HS6ST2: variants seen among roughly 807,000 people sequenced by gnomAD.
HS6ST2 encodes heparan sulfate 6-O-sulfotransferase 2.
Under a neutral mutation model 33.0 loss-of-function variants are expected in HS6ST2, and 17 were observed. The observed-to-expected ratio is 0.52, with a 90% CI of 0.35 to 0.77. HS6ST2 has a LOEUF of 0.77. Among genes scored for constraint, HS6ST2 ranks in the 30% least tolerant of loss-of-function variants. HS6ST2 has a pLI of 0.01. For missense variants in HS6ST2, 519 were observed against 551.7 expected (o/e 0.94, Z 0.59); for synonymous variants, 248 against 237.1 (o/e 1.05, Z -0.42).
At chrX:132,778,901 A>C (rs769598538) in intron 2 of HS6ST2, among the ~76,000 whole-genome samples, 10 of 112,307 alleles carry the variant, frequency 8.9e-5, no homozygotes, top group Non-Finnish European at 1.9e-4. Context: ...GATCATCAGC[A>C]CTATGTTTCT....
At chrX:132,637,948 T>TA (rs1475831168) in intron 4 of HS6ST2, among the ~76,000 whole-genome samples, 1 of 72,953 alleles carries the variant, frequency 1.4e-5, no homozygotes, top group East Asian at 3.8e-4. Context: ...ATATTTTATA[T>TA]ATAATATATA....
In HS6ST2 at chrX:132,722,884, CAA is replaced by C. The variant is rs144182974; in HGVS notation, c.948-14392_948-14391del. On this transcript the variant is annotated intron_variant, in intron 2 of 4. Coordinates refer to ENST00000370833, the MANE Select transcript of HS6ST2 (RefSeq NM_001394073.1). ...TAAAATTATGTTAAAAATAAAAAAA[CAA>C]AAAAAAAAAAACAAAAAGCAAACAA... Among the ~76,000 whole-genome samples the C allele has an allele frequency of 3.7e-3, 301 of 82,248 alleles. 1 individual carries two copies. The highest frequency in any genetic ancestry group is 0.031 in the South Asian group (52 of 1,673). The allele number at this position is 82,248 out of a possible 115,157, so 71.4% of individuals were successfully genotyped here.
At chrX:132,832,048 C>T (rs866329533) in intron 2 of HS6ST2, among the ~76,000 whole-genome samples, 3 of 111,016 alleles carry the variant, frequency 2.7e-5, no homozygotes, top group Admixed American at 9.6e-5. Context: ...CATGGTGAGG[C>T]GAGGAGAGCT....
At chrX:132,868,199 A>G (rs958284016) in intron 2 of HS6ST2, among the ~76,000 whole-genome samples, 2 of 112,274 alleles carry the variant, frequency 1.8e-5, no homozygotes, top group African/African-American at 3.2e-5. Flanking sequence ...GGCATTACAT[A>G]ATGATAAAGG....
intron 2 of HS6ST2, among the ~76,000 whole-genome samples, chrX:132,759,007 C>T (rs139995392): frequency 2.4e-3 from 268 of 111,660 alleles, no homozygotes; most frequent in Middle Eastern, 4.6e-3. Flanking sequence ...AGTAGATGGG[C>T]AGCTGCAGAA....
rs183856210 is a variant in HS6ST2, at chrX:132,727,171, C to T, written c.948-18677G>A. ...TAAAACTAAAACAATCTCATCCCCA[C>T]TCACTTGACAAATCCATAGATCTGT... On this transcript the variant is annotated intron_variant, in intron 2 of 4. Coordinates refer to ENST00000370833, the MANE Select transcript of HS6ST2 (RefSeq NM_001394073.1). 7.4e-5 allele frequency among the ~76,000 whole-genome samples: 8 copies of T among 108,038 alleles called. No individual in the cohort carries two copies. The East Asian group carries it at 2.3e-3, about 31-fold the overall frequency. The allele number at this position is 108,038 out of a possible 115,157, so 93.8% of individuals were successfully genotyped here. A position where few individuals can be genotyped will look rare whatever the true frequency, so the allele number is the denominator to read the frequency against.
At chrX:132,732,760 A>C (rs778085956) in intron 2 of HS6ST2, among the ~76,000 whole-genome samples, 9 of 111,795 alleles carry the variant, frequency 8.1e-5, no homozygotes, top group Admixed American at 7.6e-4. Flanking sequence ...TTTCCTTTAT[A>C]AATTACCCAG....
chrX:132,948,758 T>C (rs1382629015), intron 2 of HS6ST2, among the ~76,000 whole-genome samples: 2 of 112,549 alleles, frequency 1.8e-5, no homozygotes, highest in African/African-American at 6.4e-5. Context: ...ACATACGCCA[T>C]TAAGTGGATT....
At chrX:132,821,514 C>T (rs780227051) in intron 2 of HS6ST2, among the ~76,000 whole-genome samples, 5 of 110,206 alleles carry the variant, frequency 4.5e-5, no homozygotes, top group Non-Finnish European at 7.6e-5. Context: ...ACTTGGCCCC[C>T]GTTCCCATTC....
At chrX:132,908,789 A>C (rs1292512135) in intron 2 of HS6ST2, among the ~76,000 whole-genome samples, 1 of 110,527 alleles carries the variant, frequency 9.0e-6, no homozygotes, top group Non-Finnish European at 1.9e-5. Flanking sequence ...TAATATTCTA[A>C]AATTGATTGT....
chrX:132,924,920 C>A (rs991483789), intron 2 of HS6ST2, among the ~76,000 whole-genome samples: 1 of 110,726 alleles, frequency 9.0e-6, no homozygotes, highest in African/African-American at 3.3e-5. Context: ...CCTGGGAGTT[C>A]GAGACCAGCC....
intron 2 of HS6ST2, among the ~76,000 whole-genome samples, chrX:132,749,715 T>C (rs2064681051): frequency 9.0e-6 from 1 of 111,552 alleles, no homozygotes; most frequent in Admixed American, 9.5e-5. Context: ...GGTGATGCAC[T>C]TGTATAAAAG....
intron 2 of HS6ST2, among the ~76,000 whole-genome samples, chrX:132,910,801 C>T (rs2066524245): frequency 9.0e-6 from 1 of 111,202 alleles, no homozygotes; most frequent in Non-Finnish European, 1.9e-5. Context: ...CCATTTGCCT[C>T]GGTAAATACA....
At chrX:132,661,935 T>C (rs1462068517) in intron 4 of HS6ST2, among the ~76,000 whole-genome samples, 1 of 110,149 alleles carries the variant, frequency 9.1e-6, no homozygotes. Flanking sequence ...AAGTGGGCCA[T>C]GATTGCACCA....
chrX:132,873,088 T>C (rs1249417760), intron 2 of HS6ST2, among the ~76,000 whole-genome samples: 1 of 111,614 alleles, frequency 9.0e-6, no homozygotes, highest in Non-Finnish European at 1.9e-5. Flanking sequence ...GAGGAAAACG[T>C]TGTCACTGGT....
At chrX:132,767,613 GTGGGTT>G (rs2064861208) in intron 2 of HS6ST2, among the ~76,000 whole-genome samples, 1 of 110,846 alleles carries the variant, frequency 9.0e-6, no homozygotes, top group African/African-American at 3.3e-5. Context: ...CATGGGTATG[GTGGGTT>G]TGATAAAGTA....
intron 2 of HS6ST2, among the ~76,000 whole-genome samples, chrX:132,767,172 C>A (rs1445669907): frequency 8.9e-6 from 1 of 112,578 alleles, no homozygotes; most frequent in East Asian, 2.8e-4. Context: ...CTGAGACCTT[C>A]CATCCTCAAG....
chrX:132,660,933 G>A (rs760234689), intron 4 of HS6ST2, among the ~76,000 whole-genome samples: 1 of 111,877 alleles, frequency 8.9e-6, no homozygotes, highest in South Asian at 3.8e-4. Flanking sequence ...TAAGGTGAAG[G>A]GGAAGCAAGG....
intron 2 of HS6ST2, among the ~76,000 whole-genome samples, chrX:132,890,636 T>C (rs572364949): frequency 4.5e-5 from 5 of 110,370 alleles, no homozygotes; most frequent in African/African-American, 1.6e-4. Context: ...TGGTGACTAA[T>C]AATTAAATAT....
Sources: gnomAD v4.1 joint callset for allele counts (sites outside exome capture counted in the v4.1 genomes callset) on GRCh38, gnomAD v4.1.1 for gene constraint, MANE v1.5 for transcripts, NCBI Gene and HGNC (gene_info 2026-07-23, HGNC 2026-07-21) for gene names.